DMD: variants seen among roughly 807,000 people sequenced by gnomAD.
The protein encoded by DMD is dystrophin, also known as mutant dystrophin.
DMD carries 63 observed loss-of-function variants against 330.1 expected under a neutral mutation model. That is an observed-to-expected ratio of 0.19 (90% CI 0.16 to 0.24). The LOEUF is 0.24. Ranked by LOEUF, DMD falls within the 10% of genes least tolerant of loss-of-function variation. The pLI, the probability that DMD is intolerant of heterozygous loss-of-function variation, is 1.00. For missense variants in DMD, 3,344 were observed against 2,684.1 expected (o/e 1.25, Z -5.43); for synonymous variants, 1,223 against 959.8 (o/e 1.27, Z -5.07).
At chrX:32,590,325 C>T (rs1236357145) in intron 13 of DMD, among the ~76,000 whole-genome samples, 1 of 112,107 alleles carries the variant, frequency 8.9e-6, no homozygotes, top group Non-Finnish European at 1.9e-5. Flanking sequence ...TTGTGTTTTC[C>T]AGGTTTTCCT....
At chrX:31,695,479 C>T (rs1301806573) in intron 52 of DMD, among the ~76,000 whole-genome samples, 5 of 110,466 alleles carry the variant, frequency 4.5e-5, no homozygotes, top group Non-Finnish European at 9.5e-5. Flanking sequence ...ATGCCTCATT[C>T]TCCATGATGT....
intron 1 of DMD, among the ~76,000 whole-genome samples, chrX:33,318,567 C>A (rs1363803685): frequency 1.9e-5 from 2 of 107,812 alleles, no homozygotes; most frequent in African/African-American, 6.8e-5. Context: ...CCAGCCTCAG[C>A]CACCCTAAAG....
intron 55 of DMD, among the ~76,000 whole-genome samples, chrX:31,597,509 C>T (rs957240410): frequency 1.7e-4 from 19 of 111,447 alleles, no homozygotes; most frequent in African/African-American, 5.9e-4. Context: ...GTATGGTGTC[C>T]GCAGTAGACC....
At chrX:32,291,051 C>T (rs1043578216) in intron 42 of DMD, among the ~76,000 whole-genome samples, 1 of 111,555 alleles carries the variant, frequency 9.0e-6, no homozygotes, top group African/African-American at 3.3e-5. Context: ...GTAACAAGCG[C>T]AGTCATATTT....
intron 7 of DMD, among the ~76,000 whole-genome samples, chrX:32,753,557 C>G (rs16990635): frequency 0.11 from 12,687 of 111,426 alleles, 640 homozygotes; most frequent in Admixed American, 0.23. Flanking sequence ...AACCAAGCTT[C>G]AGTACAAATT....
At chrX:31,558,677 T>C (rs1487691217) in intron 55 of DMD, among the ~76,000 whole-genome samples, 4 of 111,117 alleles carry the variant, frequency 3.6e-5, no homozygotes, top group Non-Finnish European at 5.6e-5. Flanking sequence ...TGTGCGTATA[T>C]ATATATATGG....
At chrX:32,693,014 G>A (rs73456947) in intron 9 of DMD, among the ~76,000 whole-genome samples, 15,763 of 111,657 alleles carry the variant, frequency 0.14, 2,629 homozygotes, top group African/African-American at 0.48. Flanking sequence ...GAAATTCTCT[G>A]AAGGTCACAT....
intron 1 of DMD, among the ~76,000 whole-genome samples, chrX:33,195,054 G>C (rs1029434358): frequency 2.7e-5 from 3 of 111,032 alleles, no homozygotes; most frequent in Non-Finnish European, 5.7e-5. Context: ...TACTTGTATG[G>C]GGCTCCATGC....
At chrX:31,155,157 A>G (rs1353984501) in intron 74 of DMD, among the ~76,000 whole-genome samples, 1 of 112,384 alleles carries the variant, frequency 8.9e-6, no homozygotes, top group Non-Finnish European at 1.9e-5. Context: ...CCTTTTAGCA[A>G]TGATTTATGA....
chrX:32,531,660 G>A (rs2047488595), intron 17 of DMD, among the ~76,000 whole-genome samples: 1 of 111,176 alleles, frequency 9.0e-6, no homozygotes, highest in Non-Finnish European at 1.9e-5. Flanking sequence ...AATACACAGT[G>A]AAGCACTGAG....
chrX:32,682,966 G>A (rs1267809826), intron 9 of DMD, among the ~76,000 whole-genome samples: 2 of 111,482 alleles, frequency 1.8e-5, no homozygotes, highest in Non-Finnish European at 3.8e-5. Context: ...AATGAATAGC[G>A]TTCCCTTGCT....
At chrX:33,057,314 A>G (rs1236298971) in intron 1 of DMD, among the ~76,000 whole-genome samples, 2 of 112,122 alleles carry the variant, frequency 1.8e-5, no homozygotes, top group Non-Finnish European at 3.8e-5. Flanking sequence ...ACTGATAGGC[A>G]ATGGAAGTTA....
intron 74 of DMD, among the ~76,000 whole-genome samples, chrX:31,151,858 C>G (rs2037453672): frequency 8.9e-6 from 1 of 112,093 alleles, no homozygotes; most frequent in South Asian, 3.7e-4. Context: ...AAATACACTC[C>G]TAAACAAACC....
chrX:32,028,015 C>T (rs1236159088), intron 44 of DMD, among the ~76,000 whole-genome samples: 2 of 111,858 alleles, frequency 1.8e-5, no homozygotes, highest in Non-Finnish European at 3.8e-5. Flanking sequence ...ATTGAAGGAG[C>T]AAGAAGAGAG....
At chrX:31,488,598 C>T (rs1467255032) in intron 57 of DMD, among the ~76,000 whole-genome samples, 1 of 111,942 alleles carries the variant, frequency 8.9e-6, no homozygotes, top group Non-Finnish European at 1.9e-5. Flanking sequence ...TTTTCCTTGA[C>T]TCTTTGCTTC....
At chrX:32,463,203 G>C (rs2098389675) in intron 25 of DMD, among the ~76,000 whole-genome samples, 1 of 111,685 alleles carries the variant, frequency 9.0e-6, no homozygotes. Flanking sequence ...TAGTATGACA[G>C]TTGTGTTCAA....
At chrX:32,021,270 G>A (rs947212697) in intron 44 of DMD, among the ~76,000 whole-genome samples, 1 of 112,186 alleles carries the variant, frequency 8.9e-6, no homozygotes, top group Non-Finnish European at 1.9e-5. Context: ...AGAATTCACA[G>A]AGAAGATTAG....
chrX:32,322,787 A>G (rs1016958058), intron 41 of DMD, among the ~76,000 whole-genome samples: 4 of 111,443 alleles, frequency 3.6e-5, no homozygotes, highest in African/African-American at 1.3e-4. Context: ...AAACAAGAAA[A>G]CAATGGAAAC....
At chrX:32,616,688 TC>T (rs1420135550) in intron 11 of DMD, among the ~76,000 whole-genome samples, 2 of 88,446 alleles carry the variant, frequency 2.3e-5, no homozygotes, top group East Asian at 6.3e-4. Context: ...GTGTTCTGGT[TC>T]CTTTTTTTTT....
Sources: allele counts gnomAD v4.1 joint callset (sites outside exome capture counted in the v4.1 genomes callset), GRCh38; gene constraint gnomAD v4.1.1; transcripts MANE v1.5; gene names NCBI Gene and HGNC (gene_info 2026-07-23, HGNC 2026-07-21).